MICU1: variants seen among roughly 807,000 people sequenced by gnomAD.
MICU1 encodes the protein mitochondrial calcium uptake 1, also known as calcium uptake protein 1, mitochondrial.
In MICU1, 45 loss-of-function variants were observed where a neutral mutation model predicts 56.8. That is an observed-to-expected ratio of 0.79 (90% CI 0.62 to 1.02). The LOEUF (loss-of-function observed/expected upper bound fraction) is 1.02, where lower values mean the gene tolerates loss of function less well. MICU1 is among the 50% of genes least tolerant of loss of function. MICU1 has a pLI of 0.00. For missense variants in MICU1, 504 were observed against 587.1 expected, an observed-to-expected ratio of 0.86 and a Z score of 1.46; for synonymous variants, 186 against 195.1, an observed-to-expected ratio of 0.95 and a Z score of 0.39.
intron 1 of MICU1, among the ~76,000 whole-genome samples, chr10:72,625,740 G>A (rs1038535459): frequency 6.6e-6 from 1 of 152,208 alleles, no homozygotes; most frequent in Non-Finnish European, 1.5e-5. Flanking sequence ...CCCGGCACTG[G>A]GAGAAGTTCT....
At chr10:72,423,427 G>C in intron 8 of MICU1, 56 bp from the exon 9 acceptor site, 2 of 1,575,944 alleles carry the variant, frequency 1.3e-6, no homozygotes, top group East Asian at 2.3e-5. Flanking sequence ...TTTTGACGTG[G>C]AACACGGAAT....
At chr10:72,469,492 T>C (rs1186913108) in intron 8 of MICU1, among the ~76,000 whole-genome samples, 1 of 152,214 alleles carries the variant, frequency 6.6e-6, no homozygotes, top group African/African-American at 2.4e-5. Flanking sequence ...CTTAGAAAAG[T>C]GAAATTAAAA....
rs139599527 is a variant in MICU1 at position 72,451,166 on chromosome 10, G to A, written c.933+23934C>T. On this transcript the variant is annotated intron_variant, in intron 8 of 11. Transcript: ENST00000361114. ...CAGCCTCCCAAGTAGCTGGGATTATGGGCATGTGCCACCATGCCCAGCTAA... is the reference window on the plus strand; with the variant it reads ...CAGCCTCCCAAGTAGCTGGGATTATAGGCATGTGCCACCATGCCCAGCTAA... 7.2e-3 allele frequency among the ~76,000 whole-genome samples: 1,078 copies of A among 149,692 alleles called. 15 individuals are homozygous for A. The highest frequency in any genetic ancestry group is 0.024 in the African/African-American group (993 of 40,654).
rs1158979330 is a variant in MICU1 at position 72,495,143 on chromosome 10, T to G, written c.652+13012A>C. Among the ~76,000 whole-genome samples, 4 of 152,158 alleles carry G rather than the reference T, an allele frequency of 2.6e-5. No homozygotes were observed. The East Asian group carries it at 7.7e-4, about 29-fold the overall frequency. On this transcript the variant is annotated intron_variant, in intron 6 of 11. Coordinates refer to ENST00000361114, the MANE Select transcript of MICU1 (RefSeq NM_001195518.2). Reference sequence around the variant, plus strand: ...AAGGCAAGCCAGTGCTTTTCTACTTTAGGAATATATTTTCTTCAAATTCAT... The same window carrying G: ...AAGGCAAGCCAGTGCTTTTCTACTTGAGGAATATATTTTCTTCAAATTCAT...
At chr10:72,546,450 G>C (rs374955293) in intron 4 of MICU1, among the ~76,000 whole-genome samples, 1 of 152,098 alleles carries the variant, frequency 6.6e-6, no homozygotes, top group Admixed American at 6.6e-5. Flanking sequence ...AAATCTGGCC[G>C]CTTCTGTATC....
chr10:72,512,406 C>A (rs1867500539), intron 5 of MICU1, among the ~76,000 whole-genome samples: 1 of 151,968 alleles, frequency 6.6e-6, no homozygotes, highest in Non-Finnish European at 1.5e-5. Context: ...CATGCCTGGC[C>A]CCCATACACA....
At chr10:72,417,957 G>C (rs1473598827) in intron 9 of MICU1, among the ~76,000 whole-genome samples, 1 of 152,124 alleles carries the variant, frequency 6.6e-6, no homozygotes, top group Non-Finnish European at 1.5e-5. Flanking sequence ...GCAGGGCTAG[G>C]GACACCTCAG....
chr10:72,521,097 C>A (rs376916034), intron 5 of MICU1, among the ~76,000 whole-genome samples: 1 of 152,030 alleles, frequency 6.6e-6, no homozygotes, highest in Non-Finnish European at 1.5e-5. Context: ...GTTTCTCTAT[C>A]ACTTAATGTA....
chr10:72,421,007 A>G (rs1172819945), intron 9 of MICU1, among the ~76,000 whole-genome samples: 2 of 134,350 alleles, frequency 1.5e-5, no homozygotes, highest in East Asian at 4.0e-4. Context: ...CGTCTCAAAA[A>G]AAAAAAAAAA....
intron 2 of MICU1, among the ~76,000 whole-genome samples, chr10:72,565,526 T>C (rs1840409090): frequency 6.7e-6 from 1 of 149,124 alleles, no homozygotes; most frequent in Non-Finnish European, 1.5e-5. Flanking sequence ...CATTAGGAGA[T>C]ATACCTAATG....
intron 1 of MICU1, among the ~76,000 whole-genome samples, chr10:72,578,309 G>A (rs1334683493): frequency 6.6e-6 from 1 of 152,034 alleles, no homozygotes; most frequent in Non-Finnish European, 1.5e-5. Context: ...CCAAGTTGGA[G>A]TGCAGTGGCA....
intron 8 of MICU1, among the ~76,000 whole-genome samples, chr10:72,464,889 C>T (rs4561121): frequency 0.46 from 69,577 of 151,974 alleles, 20,075 homozygotes; most frequent in Non-Finnish European, 0.67. Context: ...AACCTGATCT[C>T]ATCAGGGCAA....
chr10:72,624,147 T>C (rs750992994), intron 1 of MICU1, among the ~76,000 whole-genome samples: 1 of 152,196 alleles, frequency 6.6e-6, no homozygotes, highest in Non-Finnish European at 1.5e-5. Context: ...TCAATTATAA[T>C]TATTTTGCAT....
At chr10:72,612,146 T>C (rs1282206851) in intron 1 of MICU1, among the ~76,000 whole-genome samples, 3 of 152,078 alleles carry the variant, frequency 2.0e-5, no homozygotes, top group Admixed American at 6.6e-5. Context: ...GTGCTTAATA[T>C]TGGGAAAATC....
At chr10:72,561,113 AAAG>A (rs1258791142) in intron 3 of MICU1, among the ~76,000 whole-genome samples, 1 of 152,252 alleles carries the variant, frequency 6.6e-6, no homozygotes, top group Admixed American at 6.5e-5. Flanking sequence ...AACTTCAGTG[AAAG>A]AAATAAGAAT....
intron 2 of MICU1, 111 bp downstream of exon 2, chr10:72,566,522 A>G (rs2132475348): frequency 1.8e-6 from 2 of 1,119,632 alleles, no homozygotes; most frequent in East Asian, 5.2e-5. Flanking sequence ...AAATGATCCG[A>G]GCAAGAAATT....
chr10:72,378,238 G>A lies in MICU1; in HGVS notation c.1181-2366C>T, dbSNP rs945089893. On this transcript the variant is annotated intron_variant, in intron 10 of 11. Coordinates refer to ENST00000361114, the MANE Select transcript of MICU1 (RefSeq NM_001195518.2). ...ACTGCACTCCAGCCTCGGTTACAGA[G>A]CGGGACTCTGTCTCACAAAAGCAAA... is the stretch of plus-strand genomic sequence containing the variant. 6.6e-5 allele frequency among the ~76,000 whole-genome samples: 10 copies of A among 152,180 alleles called. 1 individual carries two copies. In the South Asian group the frequency reaches 2.1e-3, roughly 31 times the overall value.
intron 6 of MICU1, among the ~76,000 whole-genome samples, chr10:72,479,182 A>T (rs1866212553): frequency 6.6e-6 from 1 of 152,208 alleles, no homozygotes; most frequent in African/African-American, 2.4e-5. Context: ...CTAGCTCAAA[A>T]ATCACACAGC....
chr10:72,381,963 T>TATACACAC lies in MICU1; in HGVS notation c.1181-6092_1181-6091insGTGTGTAT, dbSNP rs1464438378. 6.3e-3 allele frequency among the ~76,000 whole-genome samples: 870 copies of TATACACAC among 138,432 alleles called. 2 individuals are homozygous for TATACACAC. The highest frequency in any genetic ancestry group is 9.1e-3 in the Non-Finnish European group (583 of 64,004). 90.8% of individuals were successfully genotyped at this position (138,432 alleles called of 152,430 possible). A position where few individuals can be genotyped will look rare whatever the true frequency, so the allele number is the denominator to read the frequency against. ...AGGAGACTGTGTATATATATATCTA[T>TATACACAC]ACACACACACACACACACACACACA... On this transcript the variant is annotated intron_variant, in intron 10 of 11. Transcript: ENST00000361114.
Sources: allele counts gnomAD v4.1 joint callset (sites outside exome capture counted in the v4.1 genomes callset), GRCh38; gene constraint gnomAD v4.1.1; transcripts MANE v1.5; gene names NCBI Gene and HGNC (gene_info 2026-07-23, HGNC 2026-07-21).